The following MAGI1 variants were observed in gnomAD, a reference collection of about 807,000 sequenced individuals.
The protein encoded by MAGI1 is membrane-associated guanylate kinase, WW and PDZ domain-containing protein 1.
A neutral mutation model predicts 139.9 loss-of-function variants in MAGI1; 58 were observed. That is an observed-to-expected ratio of 0.41 (90% CI 0.34 to 0.52). The LOEUF is 0.52. Among genes scored for constraint, MAGI1 ranks in the 20% least tolerant of loss-of-function variants. The pLI, the probability that MAGI1 is intolerant of heterozygous loss-of-function variation, is 0.12. For missense variants in MAGI1, 1,874 were observed against 1,901.6 expected (o/e 0.99, Z 0.27); for synonymous variants, 812 against 737.9 (o/e 1.10, Z -1.63).
chr3:65,412,128 T>C (rs1435582858), intron 12 of MAGI1, among the ~76,000 whole-genome samples: 2 of 152,210 alleles, frequency 1.3e-5, no homozygotes, highest in African/African-American at 4.8e-5. Context: ...CCCTCCTGGA[T>C]GTGACCCCTC....
intron 1 of MAGI1, among the ~76,000 whole-genome samples, chr3:65,885,258 G>A (rs2060486059): frequency 6.6e-6 from 1 of 151,984 alleles, no homozygotes; most frequent in Non-Finnish European, 1.5e-5. Context: ...TTAGCCCGGT[G>A]TGGTGGTGCG....
intron 18 of MAGI1, chr3:65,371,954 G>A (rs887972565): frequency 7.4e-5 from 32 of 433,438 alleles, no homozygotes; most frequent in Admixed American, 6.4e-4. Flanking sequence ...CTGAAGTCTC[G>A]AAACCCCTCA....
At chr3:65,455,480 C>T (rs1171777333) in intron 5 of MAGI1, among the ~76,000 whole-genome samples, 2 of 152,116 alleles carry the variant, frequency 1.3e-5, no homozygotes, top group Non-Finnish European at 2.9e-5. Flanking sequence ...GAATGTCAAG[C>T]CAGGTGGATT....
chr3:65,563,221 TA>T (rs2080449726), intron 2 of MAGI1, among the ~76,000 whole-genome samples: 1 of 152,188 alleles, frequency 6.6e-6, no homozygotes, highest in African/African-American at 2.4e-5. Flanking sequence ...ATATAATATT[TA>T]ATTAAATTAT....
intron 1 of MAGI1, among the ~76,000 whole-genome samples, chr3:65,933,571 G>A (rs1364143269): frequency 3.3e-5 from 5 of 152,138 alleles, no homozygotes; most frequent in African/African-American, 1.2e-4. Context: ...CATACTGTTG[G>A]CTTGAATGTC....
In MAGI1 at chr3:65,470,303, A is replaced by G. The variant is rs1250809137; in HGVS notation, c.939T>C (p.Asn313=). The G allele has an allele frequency of 1.9e-6, 3 of 1,610,540 alleles. No individual in the cohort carries two copies. The highest frequency in any genetic ancestry group is 2.2e-5 in the East Asian group (1 of 44,836). ...PENWEMAYTE[N]GEVYFIDHNT... ...TTTACTCTATAAAATAGACTTCTCC[A>G]TTTTCAGTATAGGCCATCTCCCAGT... is the stretch of plus-strand genomic sequence containing the variant. The change falls in exon 5 of 23, where the codon AAT becomes AAC. Residue 313 remains asparagine, a synonymous_variant. Coordinates refer to ENST00000402939, the MANE Select transcript of MAGI1 (RefSeq NM_001033057.2).
chr3:65,959,527 C>T (rs1397670443), intron 1 of MAGI1, among the ~76,000 whole-genome samples: 2 of 151,530 alleles, frequency 1.3e-5, no homozygotes, highest in Admixed American at 6.6e-5. Flanking sequence ...GCCTCTACTT[C>T]CTGGGTTCAA....
intron 1 of MAGI1, among the ~76,000 whole-genome samples, chr3:65,842,017 T>G (rs1426935472): frequency 6.6e-6 from 1 of 152,160 alleles, no homozygotes; most frequent in Non-Finnish European, 1.5e-5. Flanking sequence ...AATAAGTAAA[T>G]AAATATCAGT....
chr3:65,423,598 G>A (rs138917794), intron 12 of MAGI1, among the ~76,000 whole-genome samples: 171 of 152,312 alleles, frequency 1.1e-3, no homozygotes, highest in African/African-American at 3.8e-3. Context: ...TTATGGTACT[G>A]GAGCAATTTC....
At chr3:66,037,885 ACTTCT>A (rs1333107892) in intron 1 of MAGI1, 106 bp downstream of exon 1, 2 of 1,495,430 alleles carry the variant, frequency 1.3e-6, no homozygotes, top group East Asian at 4.6e-5. Flanking sequence ...CACGGCCTCA[ACTTCT>A]CTTCACTGCG....
chr3:65,889,798 T>C (rs2060671069), intron 1 of MAGI1, among the ~76,000 whole-genome samples: 1 of 152,146 alleles, frequency 6.6e-6, no homozygotes, highest in Admixed American at 6.6e-5. Flanking sequence ...AGGTAAGGCT[T>C]CCTGGAGGGG....
At chr3:65,494,538 A>AT (rs747796928) in intron 2 of MAGI1, among the ~76,000 whole-genome samples, 3 of 152,184 alleles carry the variant, frequency 2.0e-5, no homozygotes, top group Non-Finnish European at 2.9e-5. Flanking sequence ...ATATTATGAG[A>AT]CGAAAAAAAA....
At chr3:65,388,723 T>C (rs2106960361) in intron 14 of MAGI1, among the ~76,000 whole-genome samples, 1 of 151,792 alleles carries the variant, frequency 6.6e-6, no homozygotes, top group South Asian at 2.1e-4. Context: ...TATCTATCCG[T>C]CAACTACAGA....
intron 1 of MAGI1, among the ~76,000 whole-genome samples, chr3:65,754,572 C>T (rs1382305828): frequency 1.3e-5 from 2 of 152,108 alleles, no homozygotes; most frequent in Non-Finnish European, 2.9e-5. Context: ...TTTATCACTG[C>T]CACTTTCAAA....
intron 2 of MAGI1, among the ~76,000 whole-genome samples, chr3:65,534,866 T>C (rs17073069): frequency 0.2 from 29,937 of 152,120 alleles, 2,953 homozygotes; most frequent in South Asian, 0.26. Flanking sequence ...TTCTAAGGCA[T>C]GGATGCTGCC....
At chr3:65,454,220 G>A (rs1949229877) in intron 5 of MAGI1, among the ~76,000 whole-genome samples, 1 of 152,086 alleles carries the variant, frequency 6.6e-6, no homozygotes, top group Admixed American at 6.5e-5. Context: ...CAGTAGTTCT[G>A]GCTACAAACT....
At chr3:65,751,763 T>C (rs766445110) in intron 1 of MAGI1, among the ~76,000 whole-genome samples, 18 of 152,222 alleles carry the variant, frequency 1.2e-4, no homozygotes, top group Admixed American at 6.5e-4. Context: ...GAAGAAAATA[T>C]ATTAAAACTC....
chr3:65,865,743 C>T (rs1271471287), intron 1 of MAGI1, among the ~76,000 whole-genome samples: 7 of 152,218 alleles, frequency 4.6e-5, no homozygotes, highest in Non-Finnish European at 8.8e-5. Context: ...CAGGTTCAAA[C>T]GATTCTCCTG....
intron 2 of MAGI1, among the ~76,000 whole-genome samples, chr3:65,540,480 T>G (rs976402866): frequency 2.0e-5 from 3 of 152,196 alleles, no homozygotes; most frequent in Admixed American, 6.5e-5. Flanking sequence ...AATAAATACC[T>G]GCAGGATGGT....
Sources: allele counts gnomAD v4.1 joint callset (sites outside exome capture counted in the v4.1 genomes callset), GRCh38; gene constraint gnomAD v4.1.1; transcripts MANE v1.5; gene names NCBI Gene and HGNC (gene_info 2026-07-23, HGNC 2026-07-21).